Variants in PCNT observed in about 807,000 individuals in gnomAD.
PCNT encodes the protein kendrin.
A neutral mutation model predicts 380.4 loss-of-function variants in PCNT; 319 were observed. That is an observed-to-expected ratio of 0.84 (90% CI 0.77 to 0.92). The LOEUF is 0.92. Among genes scored for constraint, PCNT ranks in the 40% least tolerant of loss-of-function variants. PCNT has a pLI of 0.00. For synonymous variants in PCNT, 1,845 were observed against 1,735.2 expected (o/e 1.06, Z -1.57); for missense variants, 4,400 against 4,255.3 (o/e 1.03, Z -0.95).
At chr21:46,351,394 AT>A in intron 8 of PCNT, 34 bp from the exon 9 acceptor site, 1 of 1,180,574 alleles carries the variant, frequency 8.5e-7, no homozygotes, top group African/African-American at 1.5e-5. Flanking sequence ...CCTTGAGCTC[AT>A]TAGGGTTTCA....
chr21:46,368,159 CA>C (rs910278108), intron 15 of PCNT, among the ~76,000 whole-genome samples: 9 of 142,850 alleles, frequency 6.3e-5, no homozygotes, highest in African/African-American at 1.0e-4. Flanking sequence ...GACCCTGTCT[CA>C]AAAAAAAAAC....
chr21:46,335,012 T>A (rs1372249944), intron 3 of PCNT, among the ~76,000 whole-genome samples: 1 of 152,214 alleles, frequency 6.6e-6, no homozygotes, highest in Non-Finnish European at 1.5e-5. Context: ...TGAGCTCAAA[T>A]CTGCCTCCCT....
intron 13 of PCNT, among the ~76,000 whole-genome samples, chr21:46,357,920 C>T (rs2084535534): frequency 1.3e-5 from 2 of 152,256 alleles, no homozygotes; most frequent in Admixed American, 1.3e-4. Context: ...ACTCCCTCGC[C>T]CTTTGCGAGT....
rs1253744357 is a variant in PCNT at position 46,422,100 on chromosome 21, G to T, written c.7155G>T (p.Lys2385Asn). The T allele has an allele frequency of 2.5e-6, 4 of 1,613,926 alleles. No homozygotes were observed. The Admixed American group carries it at 5.0e-5, about 20-fold the overall frequency. Residue 2385 changes from lysine to asparagine, a missense_variant, in exon 32 of 47, where the codon AAG becomes AAT. Lys to Asn is a moderately conservative substitution (Grantham distance 94, BLOSUM62 0). Transcript: ENST00000359568. ...CGCTGCCGGAAGCCATGAAGGAGAAGGAAGTGCGTCCGAAGCACGTGAAGG... is the reference window on the plus strand; with the variant it reads ...CGCTGCCGGAAGCCATGAAGGAGAATGAAGTGCGTCCGAAGCACGTGAAGG... ...FQPLPEAMKE[K>N]EVRPKHVKAL...
At chr21:46,369,946 G>A (rs1180582953) in intron 15 of PCNT, among the ~76,000 whole-genome samples, 1 of 152,226 alleles carries the variant, frequency 6.6e-6, no homozygotes, top group Admixed American at 6.5e-5. Context: ...GGCGGAGCTG[G>A]AGGAGCCGGG....
At chr21:46,413,601 A>G (rs1445429320) in intron 29 of PCNT, among the ~76,000 whole-genome samples, 1 of 152,190 alleles carries the variant, frequency 6.6e-6, no homozygotes, top group African/African-American at 2.4e-5. Context: ...AATTGATCCA[A>G]ATGGATTTAA....
In PCNT at chr21:46,334,570, A is replaced by C. The variant is rs2083670597; in HGVS notation, c.441A>C (p.Thr147=). The change falls in exon 3 of 47, where the codon ACA becomes ACC. Residue 147 remains threonine, a synonymous_variant. Coordinates refer to ENST00000359568, the MANE Select transcript of PCNT (RefSeq NM_006031.6). ...DHPPEQRGMF[T]VSDHPPEQHG... is the part of the protein sequence containing the mutation. ...CACCAGAACAGCGTGGGATGTTCAC[A>C]GTCAGTGACCACCCACCAGAACAGC... The C allele has an allele frequency of 6.4e-7, 1 of 1,573,742 alleles. No homozygotes were observed. Among genetic ancestry groups the C allele is most frequent in the African/African-American group, 1.3e-5 (1 of 74,232 alleles).
intron 21 of PCNT, among the ~76,000 whole-genome samples, chr21:46,392,440 C>T (rs1040370830): frequency 6.6e-6 from 1 of 152,182 alleles, no homozygotes; most frequent in Non-Finnish European, 1.5e-5. Flanking sequence ...AGCCTGGTCT[C>T]GAACTCCTGA....
intron 4 of PCNT, among the ~76,000 whole-genome samples, chr21:46,346,521 G>C (rs1601794259): frequency 1.3e-5 from 2 of 152,222 alleles, no homozygotes; most frequent in South Asian, 2.1e-4. Flanking sequence ...AATTCGGGGT[G>C]CTGGTGCTCA....
At position 46,388,282 on chromosome 21, in the gene PCNT, C is replaced by T. The variant is rs2085910958; in HGVS notation, c.3465-460C>T. 6.6e-6 allele frequency among the ~76,000 whole-genome samples: 1 copy of T among 151,876 alleles called. No individual in the cohort carries two copies. On this transcript the variant is annotated intron_variant, in intron 17 of 46. Coordinates refer to ENST00000359568, the MANE Select transcript of PCNT (RefSeq NM_006031.6). The surrounding 1 kb of genome is among the most constrained non-coding windows in gnomAD (Gnocchi z 4.2). ...CTAGCGAGAGGCTGGGAGACACCAT[C>T]CTCTTCCTGCCACACAACTCCTGTG...
intron 14 of PCNT, among the ~76,000 whole-genome samples, chr21:46,364,816 G>A (rs1286737386): frequency 6.6e-6 from 1 of 152,180 alleles, no homozygotes; most frequent in Non-Finnish European, 1.5e-5. Context: ...TCAGGTCGCT[G>A]GGGCTGCATG....
intron 3 of PCNT, among the ~76,000 whole-genome samples, chr21:46,342,322 G>A (rs1024512769): frequency 5.9e-5 from 9 of 152,114 alleles, no homozygotes; most frequent in African/African-American, 2.2e-4. Flanking sequence ...GCCCAGGCTG[G>A]TCTTGAACTC....
At position 46,401,547 on chromosome 21, in the gene PCNT, A is replaced by G; in HGVS notation, c.4792-4A>G. On this transcript the variant is annotated splice_polypyrimidine_tract_variant and splice_region_variant and intron_variant, in intron 25 of 46. Coordinates refer to ENST00000359568, the MANE Select transcript of PCNT (RefSeq NM_006031.6). Reference sequence around the variant, plus strand: ...CTAAAATAGAGTTCTTTTTTTTTTAATAGGATAAAGAGGTGTTAAAGAAAC... The same window carrying G: ...CTAAAATAGAGTTCTTTTTTTTTTAGTAGGATAAAGAGGTGTTAAAGAAAC... 1 of 1,611,436 alleles carries G rather than the reference A, an allele frequency of 6.2e-7. No individual in the cohort carries two copies.
Position 46,363,823 on chromosome 21 carries a change from C to G in PCNT, c.2498C>G (p.Ala833Gly). The G allele has an allele frequency of 6.2e-7, 1 of 1,612,494 alleles. No individual in the cohort carries two copies. Residue 833 changes from alanine to glycine, a missense_variant, in exon 14 of 47, where the codon GCC (alanine) becomes GGC (glycine). Coordinates refer to ENST00000359568, the MANE Select transcript of PCNT (RefSeq NM_006031.6). ...QLEQDLTSDD[A>G]LHCSQCGREP... ...GAACAGGACCTCACTTCAGACGACGCCCTGCATTGCAGCCAGTGTGGGCGG... is the reference window on the plus strand; with the variant it reads ...GAACAGGACCTCACTTCAGACGACGGCCTGCATTGCAGCCAGTGTGGGCGG...
At chr21:46,346,035 G>A in intron 3 of PCNT, 93 bp from the exon 4 acceptor site, 15 of 1,253,418 alleles carry the variant, frequency 1.2e-5, no homozygotes, top group Non-Finnish European at 1.8e-5. Context: ...TGCGAACGGG[G>A]TTTTGTGAGG....
intron 15 of PCNT, among the ~76,000 whole-genome samples, chr21:46,367,692 A>G (rs2084977433): frequency 6.6e-6 from 1 of 152,072 alleles, no homozygotes; most frequent in Non-Finnish European, 1.5e-5. Flanking sequence ...CGTATGTGGG[A>G]GGGCCTAGAC....
intron 15 of PCNT, among the ~76,000 whole-genome samples, chr21:46,370,103 C>T (rs984529761): frequency 2.3e-4 from 35 of 151,990 alleles, no homozygotes; most frequent in African/African-American, 8.2e-4. Context: ...CAGGCACTTA[C>T]GGATACACTT....
intron 1 of PCNT, among the ~76,000 whole-genome samples, 182 bp downstream of exon 1, chr21:46,324,464 C>T (rs1446193232): frequency 6.6e-6 from 1 of 151,590 alleles, no homozygotes; most frequent in African/African-American, 2.4e-5. Context: ...TTGAATCCGC[C>T]GCTCTCCGCC....
rs1364053014 is a variant in PCNT, at chr21:46,432,122, A to C, written c.8658A>C (p.Glu2886Asp). ...EQSHPRLKEQ[E>D]GRKAARRSAE... ...CACACCCACGGTTGAAAGAGCAAGAAGGACGCAAGGCTGCGAGGAGGAGCG... is the reference window on the plus strand; with the variant it reads ...CACACCCACGGTTGAAAGAGCAAGACGGACGCAAGGCTGCGAGGAGGAGCG... The change falls in exon 38 of 47, where the codon GAA becomes GAC. Residue 2886 changes from glutamate (E) to aspartate (D), a missense_variant. Glu to Asp is a conservative substitution (Grantham distance 45). Transcript: ENST00000359568. The C allele has an allele frequency of 1.2e-6, 2 of 1,614,006 alleles. No individual in the cohort carries two copies. The highest frequency in any genetic ancestry group is 1.7e-6 in the Non-Finnish European group (2 of 1,180,056).
Sources: gnomAD v4.1 joint callset for allele counts (sites outside exome capture counted in the v4.1 genomes callset) on GRCh38, gnomAD v4.1.1 for gene constraint, Gnocchi (gnomAD v3.1) non-coding constraint, MANE v1.5 for transcripts, NCBI Gene and HGNC (gene_info 2026-07-23, HGNC 2026-07-21) for gene names.